TMEM106C: variants seen among roughly 807,000 people sequenced by gnomAD.
TMEM106C encodes the protein transmembrane protein 106C, also known as endoplasmic reticulum membrane protein overexpressed in cancer.
Under a neutral mutation model 30.8 loss-of-function variants are expected in TMEM106C, and 27 were observed. The observed-to-expected ratio is 0.88, with a 90% CI of 0.65 to 1.21. The LOEUF (loss-of-function observed/expected upper bound fraction) is 1.21, where lower values mean the gene tolerates loss of function less well. TMEM106C is among the 50% of genes most tolerant of loss of function. The probability of loss-of-function intolerance (pLI) is 0.00; values close to 1 mark genes in which losing one functional copy is unlikely to be tolerated. For missense variants in TMEM106C, 288 were observed against 307.8 expected, an observed-to-expected ratio of 0.94 and a Z score of 0.48; for synonymous variants, 123 against 118.8, an observed-to-expected ratio of 1.04 and a Z score of -0.23.
In TMEM106C at chr12:47,968,763, T is replaced by TC. The variant is rs1938335428; in HGVS notation, c.*534_*535insC. 6.1e-6 allele frequency: 1 copy of TC among 164,826 alleles called. No individual in the cohort carries two copies. The highest frequency in any genetic ancestry group is 1.6e-4 in the South Asian group (1 of 6,438). The allele number at this position is 164,826 out of a possible 1,614,324, so 10.2% of individuals were successfully genotyped here. ...AAAGTGTGTTGGCTTTTTTTTTTTTTAGAAAGTTAGAATTGTTTTTACCAA... is the reference window on the plus strand; with the variant it reads ...AAAGTGTGTTGGCTTTTTTTTTTTTTCAGAAAGTTAGAATTGTTTTTACCAA... On this transcript the variant is annotated 3_prime_UTR_variant, in exon 8 of 8. Transcript: ENST00000429772.
At chr12:47,967,380 C>A in intron 7 of TMEM106C, 119 bp downstream of exon 7, 1 of 961,038 alleles carries the variant, frequency 1.0e-6, no homozygotes, top group Non-Finnish European at 1.7e-6. Context: ...ACACCCTGTG[C>A]CTCACAGGCA....
At position 47,965,836 on chromosome 12, in the gene TMEM106C, A is replaced by G; in HGVS notation, c.252-2A>G. The G allele has an allele frequency of 6.2e-7, 1 of 1,614,168 alleles. No homozygotes were observed. The highest frequency in any genetic ancestry group is 8.5e-7 in the Non-Finnish European group (1 of 1,180,010). On this transcript the variant is annotated splice_acceptor_variant, in intron 3 of 7. Coordinates refer to ENST00000429772, the MANE Select transcript of TMEM106C (RefSeq NM_001143842.2). LOFTEE classifies it high-confidence loss of function. ...GTCGGTCATGTGCTGTGTCATTTGC[A>G]GTAAGCAATATGTCCTCCTGTCCAT...
chr12:47,964,247 A>C lies in TMEM106C; in HGVS notation c.11A>C (p.Gln4Pro). 1 of 1,613,072 alleles carries C rather than the reference A, an allele frequency of 6.2e-7. No homozygotes were observed. Among genetic ancestry groups the C allele is most frequent in the Non-Finnish European group, 8.5e-7 (1 of 1,179,504 alleles). Residue 4 changes from glutamine to proline, a missense_variant, in exon 2 of 8, where the codon CAG becomes CCG. Transcript: ENST00000429772. MGS[Q>P]HSAAARPSSC... ...TGGCATATCACGGCCATGGGGTCTC[A>C]GCATTCCGCTGCTGCTCGCCCCTCC...
chr12:47,967,477 T>C (rs1454018907), intron 7 of TMEM106C, among the ~76,000 whole-genome samples: 6 of 152,238 alleles, frequency 3.9e-5, no homozygotes, highest in Non-Finnish European at 5.9e-5. Flanking sequence ...GTCAAACATT[T>C]TCTCCATAAA....
chr12:47,967,035 G>A (rs1293965980), intron 6 of TMEM106C, 173 bp from the exon 7 acceptor site: 3 of 731,078 alleles, frequency 4.1e-6, no homozygotes, highest in African/African-American at 1.8e-5. Flanking sequence ...GTGGTATGAC[G>A]CTGTGGGAGG....
Position 47,964,311 on chromosome 12 carries a change from G to C in TMEM106C, c.75G>C (p.Leu25Phe). Residue 25 changes from leucine (L) to phenylalanine (F), a missense_variant, in exon 2 of 8, where the codon TTG (leucine) becomes TTC (phenylalanine). Transcript: ENST00000429772. ...AGCAAGAAGATGACAGGGACGGTTTGCTGGCTGAACGAGAGCAGGAAGAAG... is the reference window on the plus strand; with the variant it reads ...AGCAAGAAGATGACAGGGACGGTTTCCTGGCTGAACGAGAGCAGGAAGAAG... ...RRKQEDDRDG[L>F]LAEREQEEAI... 6.2e-7 allele frequency: 1 copy of C among 1,614,152 alleles called. No individual in the cohort carries two copies. Among genetic ancestry groups the C allele is most frequent in the South Asian group, 1.1e-5 (1 of 91,060 alleles).
chr12:47,968,602 T>C lies in TMEM106C; in HGVS notation c.*373T>C. On this transcript the variant is annotated 3_prime_UTR_variant, in exon 8 of 8. Transcript: ENST00000429772. ...AGGATTGTGAGTGACCTGCAGGCCA[T>C]TATCAGTGCCTCATCTGTGCAGAAG... The C allele has an allele frequency of 2.8e-6, 1 of 354,754 alleles. No homozygotes were observed. The highest frequency in any genetic ancestry group is 2.2e-5 in the South Asian group (1 of 46,234). 22.0% of individuals were successfully genotyped at this position (354,754 alleles called of 1,614,324 possible).
intron 2 of TMEM106C, 162 bp downstream of exon 2, chr12:47,964,585 A>G: frequency 1.6e-6 from 1 of 628,642 alleles, no homozygotes; most frequent in Non-Finnish European, 2.8e-6. Context: ...CAGTTCTGCA[A>G]CTTCTCTTCC....
intron 2 of TMEM106C, 31 bp downstream of exon 2, chr12:47,964,454 A>C: frequency 6.2e-7 from 1 of 1,608,834 alleles, no homozygotes; most frequent in South Asian, 1.1e-5. Context: ...CCCTGATGAG[A>C]ATCCCAAGGT....
chr12:47,967,058 G>C (rs1032112159), intron 6 of TMEM106C, 150 bp from the exon 7 acceptor site: 7 of 787,460 alleles, frequency 8.9e-6, no homozygotes, highest in Non-Finnish European at 8.6e-6. Flanking sequence ...GAAAATGACA[G>C]TGGCAGGGAC....
At chr12:47,964,696 C>G (rs1027536545) in intron 2 of TMEM106C, 12 of 456,522 alleles carry the variant, frequency 2.6e-5, no homozygotes, top group African/African-American at 2.2e-4. Context: ...GATTTGTTGA[C>G]AGGCACATTT....
intron 6 of TMEM106C, chr12:47,966,954 A>G (rs1938247606): frequency 1.6e-6 from 1 of 638,480 alleles, no homozygotes; most frequent in South Asian, 2.0e-5. Context: ...GAATTTCTAA[A>G]AGAGAACATT....
intron 1 of TMEM106C, chr12:47,963,906 G>T (rs1938132037): frequency 2.5e-6 from 1 of 406,980 alleles, no homozygotes; most frequent in South Asian, 2.3e-5. Flanking sequence ...AAGAGGAAGG[G>T]GCGAGGCTGG....
At position 47,968,060 on chromosome 12, in the gene TMEM106C, T is replaced by A; in HGVS notation, c.657-73T>A. ...TATTGTTCTCTGAACTTGCAAAAAA[T>A]TTCCTGGGACATTTTTCTGGCTTAT... On this transcript the variant is annotated intron_variant, in intron 7 of 7. Transcript: ENST00000429772. 7 of 1,322,066 alleles carry A rather than the reference T, an allele frequency of 5.3e-6. 1 individual carries two copies. The South Asian group carries it at 8.4e-5, about 16-fold the overall frequency. 81.9% of individuals were successfully genotyped at this position (1,322,066 alleles called of 1,614,324 possible).
intron 3 of TMEM106C, 163 bp from the exon 4 acceptor site, chr12:47,965,675 A>T: frequency 1.1e-6 from 1 of 913,376 alleles, no homozygotes; most frequent in Non-Finnish European, 1.7e-6. Flanking sequence ...AAGGAGTTTT[A>T]AAAGGTTTCT....
chr12:47,964,518 C>T (rs1455053498), intron 2 of TMEM106C, 95 bp downstream of exon 2: 26 of 1,179,376 alleles, frequency 2.2e-5, no homozygotes, highest in African/African-American at 4.5e-5. Context: ...GCAGTAATAC[C>T]ATAATAGAGA....
Position 47,968,527 on chromosome 12 carries a change from G to A in TMEM106C, c.*298G>A. The A allele has an allele frequency of 2.4e-6, 1 of 409,556 alleles. No individual in the cohort carries two copies. Among genetic ancestry groups the A allele is most frequent in the East Asian group, 5.9e-5 (1 of 17,024 alleles). The allele number at this position is 409,556 out of a possible 1,614,324, so 25.4% of individuals were successfully genotyped here. ...AGCTGTTCTTAGGGCATTATAAATGGAAATCATAACGTGGTTCTAGGTTAT... is the reference window on the plus strand; with the variant it reads ...AGCTGTTCTTAGGGCATTATAAATGAAAATCATAACGTGGTTCTAGGTTAT... On this transcript the variant is annotated 3_prime_UTR_variant, in exon 8 of 8. Coordinates refer to ENST00000429772, the MANE Select transcript of TMEM106C (RefSeq NM_001143842.2).
chr12:47,967,117 G>A (rs1236991138), intron 6 of TMEM106C, 91 bp from the exon 7 acceptor site: 6 of 1,334,424 alleles, frequency 4.5e-6, no homozygotes, highest in African/African-American at 2.9e-5. Context: ...GGGGAGGGGG[G>A]CACCCCAAAC....
At chr12:47,967,331 C>G (rs981764361) in intron 7 of TMEM106C, 70 bp downstream of exon 7, 15 of 1,540,898 alleles carry the variant, frequency 9.7e-6, no homozygotes, top group Non-Finnish European at 1.3e-5. Flanking sequence ...TCAGGAGGCC[C>G]CTGTGTGACC....
Sources: allele counts gnomAD v4.1 joint callset (sites outside exome capture counted in the v4.1 genomes callset), GRCh38; gene constraint gnomAD v4.1.1; transcripts MANE v1.5; gene names NCBI Gene and HGNC (gene_info 2026-07-23, HGNC 2026-07-21).